TBCK: variants seen among roughly 807,000 people sequenced by gnomAD.
TBCK encodes the protein TBC domain-containing protein kinase-like protein.
A neutral mutation model predicts 113.4 loss-of-function variants in TBCK; 99 were observed. The ratio of observed to expected loss-of-function variants is 0.87; its 90% CI spans 0.74 to 1.03. TBCK has a LOEUF of 1.03. Among genes scored for constraint, TBCK ranks in the 50% least tolerant of loss-of-function variants. The probability of loss-of-function intolerance (pLI) is 0.00; values close to 1 mark genes in which losing one functional copy is unlikely to be tolerated. For synonymous variants in TBCK, 369 were observed against 370.8 expected, an observed-to-expected ratio of 1.00 and a Z score of 0.05; for missense variants, 1,045 against 1,061.3, an observed-to-expected ratio of 0.98 and a Z score of 0.21.
At chr4:106,085,276 C>G (rs1175363333) in intron 25 of TBCK, among the ~76,000 whole-genome samples, 1 of 135,260 alleles carries the variant, frequency 7.4e-6, no homozygotes, top group Non-Finnish European at 1.5e-5. Context: ...GAAAGAAAAA[C>G]AAAACAAAAC....
chr4:106,110,197 C>CT (rs375432175), intron 24 of TBCK, among the ~76,000 whole-genome samples: 5 of 152,310 alleles, frequency 3.3e-5, no homozygotes, highest in African/African-American at 1.2e-4. Context: ...TGCTACAACT[C>CT]TTTCTGTCAG....
chr4:106,108,808 G>A (rs768922991), intron 24 of TBCK, among the ~76,000 whole-genome samples: 5 of 152,140 alleles, frequency 3.3e-5, no homozygotes, highest in African/African-American at 1.2e-4. Context: ...AGGAAGGGAA[G>A]AAGTCAAACT....
chr4:106,219,600 C>A (rs1231788879), intron 19 of TBCK, among the ~76,000 whole-genome samples: 2 of 151,862 alleles, frequency 1.3e-5, no homozygotes, highest in Admixed American at 6.6e-5. Context: ...ACTCACTATG[C>A]ACTAATCTAA....
At chr4:106,216,476 TA>T (rs1756937566) in intron 19 of TBCK, among the ~76,000 whole-genome samples, 1 of 151,632 alleles carries the variant, frequency 6.6e-6, no homozygotes, top group Admixed American at 6.6e-5. Flanking sequence ...CTAGCAAGAA[TA>T]ATAAAGAAAA....
At chr4:106,168,412 C>G (rs998117296) in intron 23 of TBCK, among the ~76,000 whole-genome samples, 1 of 151,850 alleles carries the variant, frequency 6.6e-6, no homozygotes, top group African/African-American at 2.4e-5. Context: ...ACCCTAGAAG[C>G]CTTCCTGCTA....
At chr4:106,176,975 A>T (rs72677346) in intron 22 of TBCK, among the ~76,000 whole-genome samples, 11,467 of 142,928 alleles carry the variant, frequency 0.08, 498 homozygotes, top group Middle Eastern at 0.18. Flanking sequence ...TTTTTTTTTT[A>T]AATACAGGGT....
chr4:106,301,560 A>T (rs1766944762), intron 2 of TBCK, among the ~76,000 whole-genome samples: 1 of 152,206 alleles, frequency 6.6e-6, no homozygotes, highest in Non-Finnish European at 1.5e-5. Context: ...CATTCCTGAG[A>T]TTAAAAACTT....
intron 22 of TBCK, among the ~76,000 whole-genome samples, chr4:106,191,943 G>A (rs1179856719): frequency 6.6e-6 from 1 of 152,074 alleles, no homozygotes; most frequent in East Asian, 1.9e-4. Context: ...AAACAAGCAA[G>A]ATAACATCTC....
At chr4:106,300,961 A>T (rs1027350395) in intron 2 of TBCK, among the ~76,000 whole-genome samples, 1 of 152,020 alleles carries the variant, frequency 6.6e-6, no homozygotes, top group Non-Finnish European at 1.5e-5. Flanking sequence ...TAAATAATAA[A>T]TAAATATGAG....
At chr4:106,244,127 T>C (rs1005152671) in intron 11 of TBCK, among the ~76,000 whole-genome samples, 3 of 152,196 alleles carry the variant, frequency 2.0e-5, no homozygotes, top group African/African-American at 4.8e-5. Flanking sequence ...ATTTCTAGCA[T>C]GATATCTTCT....
chr4:106,121,857 T>C (rs888462626), intron 23 of TBCK, among the ~76,000 whole-genome samples: 2 of 151,942 alleles, frequency 1.3e-5, no homozygotes, highest in African/African-American at 4.8e-5. Flanking sequence ...CCAGAATCTC[T>C]GGGACACATT....
At chr4:106,220,491 T>A (rs966850648) in intron 19 of TBCK, among the ~76,000 whole-genome samples, 1 of 151,896 alleles carries the variant, frequency 6.6e-6, no homozygotes, top group Admixed American at 6.6e-5. Flanking sequence ...TAAGCAAACA[T>A]CTTACATGTC....
intron 3 of TBCK, among the ~76,000 whole-genome samples, chr4:106,282,186 T>C (rs1764664955): frequency 6.6e-6 from 1 of 152,164 alleles, no homozygotes; most frequent in South Asian, 2.1e-4. Context: ...TTCCAATTTA[T>C]TGGCATAGAG....
At chr4:106,271,700 T>C (rs1763496084) in intron 3 of TBCK, among the ~76,000 whole-genome samples, 1 of 148,216 alleles carries the variant, frequency 6.7e-6, no homozygotes, top group Non-Finnish European at 1.5e-5. Flanking sequence ...TGCAGTGAGC[T>C]GAGATCGCGC....
chr4:106,199,211 C>A (rs2149834266), intron 20 of TBCK, among the ~76,000 whole-genome samples: 1 of 152,236 alleles, frequency 6.6e-6, no homozygotes, highest in Non-Finnish European at 1.5e-5. Flanking sequence ...GTCATTAAAT[C>A]TAATGGCCAA....
chr4:106,211,595 T>G (rs188944559), intron 20 of TBCK, among the ~76,000 whole-genome samples: 3 of 152,220 alleles, frequency 2.0e-5, no homozygotes, highest in Non-Finnish European at 4.4e-5. Context: ...TTTCTTCCCA[T>G]GCATTGTGAG....
intron 20 of TBCK, among the ~76,000 whole-genome samples, chr4:106,212,208 G>T (rs1756227784): frequency 6.6e-6 from 1 of 152,014 alleles, no homozygotes; most frequent in Non-Finnish European, 1.5e-5. Flanking sequence ...GATACAATGT[G>T]ATGTTTTGAT....
chr4:106,218,244 T>A (rs2149927285), intron 19 of TBCK, among the ~76,000 whole-genome samples: 1 of 148,908 alleles, frequency 6.7e-6, no homozygotes, highest in Admixed American at 6.7e-5. Context: ...ACTTAAACGT[T>A]AGACCTAAAA....
In TBCK at chr4:106,236,428, G is replaced by A; in HGVS notation, c.1312C>T (p.Gln438Ter). 6.4e-7 allele frequency: 1 copy of A among 1,556,900 alleles called. No individual in the cohort carries two copies. The highest frequency in any genetic ancestry group is 8.7e-7 in the Non-Finnish European group (1 of 1,150,468). Residue 438 changes from glutamine (Q) to a stop codon, truncating the protein, a stop_gained, in exon 14 of 26, where the codon CAA (glutamine) becomes TAA (stop). Transcript: ENST00000394708. LOFTEE classifies it high-confidence loss of function. ...TCGAAGAGAATAATTCTATTTAGTTGGTACTCTGTATCCTTCTCTCTGATG... is the reference window on the plus strand; with the variant it reads ...TCGAAGAGAATAATTCTATTTAGTTAGTACTCTGTATCCTTCTCTCTGATG... Reference protein sequence around the residue: ...LIIREKDTEYQLNRIILFDRL... With the variant: ...LIIREKDTEY
Sources: gnomAD v4.1 joint callset for allele counts (sites outside exome capture counted in the v4.1 genomes callset) on GRCh38, gnomAD v4.1.1 for gene constraint, MANE v1.5 for transcripts, NCBI Gene and HGNC (gene_info 2026-07-23, HGNC 2026-07-21) for gene names.